The following FKRP variants were observed in gnomAD, a reference collection of about 807,000 sequenced individuals.
FKRP encodes ribitol 5-phosphate transferase FKRP.
A neutral mutation model predicts 30.6 loss-of-function variants in FKRP; 25 were observed. That is an observed-to-expected ratio of 0.82 (90% CI 0.60 to 1.14). The LOEUF (loss-of-function observed/expected upper bound fraction) is 1.14, where lower values mean the gene tolerates loss of function less well. Among genes scored for constraint, FKRP ranks in the 50% most tolerant of loss-of-function variants. The pLI is 0.00. For missense variants in FKRP, 771 were observed against 727.8 expected (o/e 1.06, Z -0.68); for synonymous variants, 358 against 342.5 (o/e 1.05, Z -0.50).
Position 46,756,157 on chromosome 19 carries a change from T to C in FKRP, c.707T>C (p.Leu236Pro). Residue 236 changes from leucine to proline, a missense_variant, in exon 4 of 4, where the codon CTG becomes CCG. Leu to Pro is a moderately conservative substitution (Grantham distance 98, BLOSUM62 -3). Transcript: ENST00000318584. The surrounding 1 kb of genome is among the most constrained non-coding windows in gnomAD (Gnocchi z 6.6). ...TALRGWAVQL[L>P]DLTFAAARQP... ...CTTCGCGGCTGGGCGGTGCAGCTGC[T>C]GGACTTGACCTTCGCCGCGGCGCGC... The C allele has an allele frequency of 2.0e-6, 3 of 1,466,138 alleles. No individual in the cohort carries two copies. The highest frequency in any genetic ancestry group is 2.7e-6 in the Non-Finnish European group (3 of 1,116,690). 90.8% of individuals were successfully genotyped at this position (1,466,138 alleles called of 1,614,324 possible).
chr19:46,751,581 C>T (rs1428373412), intron 3 of FKRP, among the ~76,000 whole-genome samples: 2 of 119,460 alleles, frequency 1.7e-5, no homozygotes, highest in Non-Finnish European at 3.3e-5. Context: ...TTTTTTGAGA[C>T]GGAGTCTTGC....
In FKRP at chr19:46,758,550, G is replaced by GTGC. The variant is rs1284536315; in HGVS notation, c.*1614_*1615insCTG. On this transcript the variant is annotated 3_prime_UTR_variant, in exon 4 of 4. Transcript: ENST00000318584. Reference sequence around the variant, plus strand: ...CCCAATGACTTTTGCACACCCAGGTGTGAGCACCCAGCATTCAAGACCACG... The same window carrying GTGC: ...CCCAATGACTTTTGCACACCCAGGTGTGCTGAGCACCCAGCATTCAAGACCACG... The GTGC allele has an allele frequency of 6.1e-6, 1 of 165,098 alleles. No homozygotes were observed. Among genetic ancestry groups the GTGC allele is most frequent in the Admixed American group, 6.6e-5 (1 of 15,046 alleles). The allele number at this position is 165,098 out of a possible 1,614,324, so 10.2% of individuals were successfully genotyped here.
chr19:46,757,086 C>T lies in FKRP; in HGVS notation c.*148C>T, dbSNP rs2054944909. The T allele has an allele frequency of 5.5e-6, 6 of 1,092,910 alleles. No homozygotes were observed. Among genetic ancestry groups the T allele is most frequent in the South Asian group, 1.4e-5 (1 of 71,562 alleles). The allele number at this position is 1,092,910 out of a possible 1,614,324, so 67.7% of individuals were successfully genotyped here. ...ATTCTAAGGAGAGCATGAGAGAAGG[C>T]TGGCATTGGCAGGAGGAGAGCACCA... On this transcript the variant is annotated 3_prime_UTR_variant, in exon 4 of 4. Coordinates refer to ENST00000318584, the MANE Select transcript of FKRP (RefSeq NM_024301.5).
Position 46,756,135 on chromosome 19 carries a change from C to G in FKRP, c.685C>G (p.Arg229Gly), listed in dbSNP as rs2054914171. The change falls in exon 4 of 4, where the codon CGC (arginine) becomes GGC (glycine). Residue 229 changes from arginine (R) to glycine (G), a missense_variant. Arg to Gly is a moderately radical substitution (Grantham distance 125). Transcript: ENST00000318584. This position sits in a 1 kb window ranked among gnomAD's most constrained non-coding sequence, Gnocchi z 6.6. ...CAGCCTCTTTCTGCAGACCGCCCTT[C>G]GCGGCTGGGCGGTGCAGCTGCTGGA... ...GTSLFLQTAL[R>G]GWAVQLLDLT... is the part of the protein sequence containing the mutation. 1 of 1,485,856 alleles carries G rather than the reference C, an allele frequency of 6.7e-7. No individual in the cohort carries two copies. The highest frequency in any genetic ancestry group is 1.5e-5 in the African/African-American group (1 of 68,242). The allele number at this position is 1,485,856 out of a possible 1,614,324, so 92.0% of individuals were successfully genotyped here.
upstream of FKRP, chr19:46,746,041 C>CCG: frequency 7.6e-6 from 9 of 1,184,186 alleles, no homozygotes; most frequent in Non-Finnish European, 9.7e-6. Flanking sequence ...GCCCCCCCGC[C>CCG]GGCCGTCCCG....
chr19:46,754,251 T>C (rs1411497905), intron 3 of FKRP: 1 of 152,118 alleles, frequency 6.6e-6, no homozygotes, highest in Non-Finnish European at 1.5e-5. Context: ...TTACTCAGGT[T>C]GGTCTCGAAC....
chr19:46,756,365 C>T lies in FKRP; in HGVS notation c.915C>T (p.Pro305=), dbSNP rs1372543621. ...RCFGTVVGDT[P]AYLYEERWTP... ...TCGGAACCGTGGTGGGCGACACGCC[C>T]GCCTACCTCTACGAGGAGCGCTGGA... Residue 305 remains proline, a synonymous_variant, in exon 4 of 4, where the codon CCC becomes CCT. Transcript: ENST00000318584. This position sits in a 1 kb window ranked among gnomAD's most constrained non-coding sequence, Gnocchi z 6.6. 2 of 1,560,634 alleles carry T rather than the reference C, an allele frequency of 1.3e-6. No individual in the cohort carries two copies. Among genetic ancestry groups the T allele is most frequent in the African/African-American group, 1.4e-5 (1 of 74,030 alleles).
intron 3 of FKRP, among the ~76,000 whole-genome samples, chr19:46,754,638 G>A (rs113826819): frequency 0.13 from 19,315 of 147,886 alleles, 1,484 homozygotes; most frequent in African/African-American, 0.2. Flanking sequence ...ACGGAGTCTC[G>A]CTGTGTTGCC....
chr19:46,745,947 G>A (rs1408367496), upstream of FKRP: 2 of 423,564 alleles, frequency 4.7e-6, no homozygotes. Context: ...GGGCCGTCCC[G>A]GTCCCGTCCC....
At chr19:46,755,369 C>G in intron 3 of FKRP, 43 bp from the exon 4 acceptor site, 1 of 1,308,310 alleles carries the variant, frequency 7.6e-7, no homozygotes, top group Admixed American at 2.3e-5. Context: ...GGGGGTGGTT[C>G]TGACAATCAG....
upstream of FKRP, chr19:46,745,963 G>A (rs1047701577): frequency 1.4e-4 from 68 of 470,978 alleles, no homozygotes; most frequent in Non-Finnish European, 1.9e-4. Context: ...GTCCCACCCC[G>A]GAGTGCCCTC....
upstream of FKRP, chr19:46,746,034 C>A (rs2054588503): frequency 8.2e-7 from 1 of 1,219,680 alleles, no homozygotes; most frequent in South Asian, 2.2e-5. Context: ...CCCTCCCGCC[C>A]CCCCGCCGGC....
intron 1 of FKRP, chr19:46,747,156 G>C (rs1454898425): frequency 6.6e-6 from 1 of 152,478 alleles, no homozygotes; most frequent in Non-Finnish European, 1.5e-5. Context: ...CCACCTAGTT[G>C]GCATTACCAT....
Position 46,746,116 on chromosome 19 carries a change from G to T in FKRP, c.-253+26G>T. ...GTGAGGCCGGGCCGGGCCGGGCCGG[G>T]TTGGGGGTCGGGGGTCCCGGGACAG... On this transcript the variant is annotated intron_variant, in intron 1 of 3. Transcript: ENST00000318584. The T allele has an allele frequency of 4.1e-6, 6 of 1,469,384 alleles. No individual in the cohort carries two copies. In the South Asian group the frequency reaches 6.4e-5, roughly 16 times the overall value. The allele number at this position is 1,469,384 out of a possible 1,614,324, so 91.0% of individuals were successfully genotyped here. A position where few individuals can be genotyped will look rare whatever the true frequency, so the allele number is the denominator to read the frequency against.
At chr19:46,748,445 G>A (rs1424203395) in intron 2 of FKRP, 70 bp from the exon 3 acceptor site, 1 of 152,170 alleles carries the variant, frequency 6.6e-6, no homozygotes, top group Non-Finnish European at 1.5e-5. Context: ...CAGAATGCTA[G>A]AATTACAGGC....
upstream of FKRP, chr19:46,745,895 C>G: frequency 8.1e-6 from 3 of 372,362 alleles, no homozygotes; most frequent in Non-Finnish European, 1.4e-5. Flanking sequence ...CTCGGCCGGT[C>G]CCGGTGATCC....
chr19:46,753,882 C>T (rs2054846045), intron 3 of FKRP: 1 of 151,848 alleles, frequency 6.6e-6, no homozygotes. Context: ...ATTATTTGAT[C>T]ATCTGCTTGG....
In FKRP at chr19:46,756,090, C is replaced by T. The variant is rs768674420; in HGVS notation, c.640C>T (p.Leu214=). 2 of 1,542,664 alleles carry T rather than the reference C, an allele frequency of 1.3e-6. No homozygotes were observed. Among genetic ancestry groups the T allele is most frequent in the Admixed American group, 3.8e-5 (2 of 52,784 alleles). ...CGACCTCTTCAACCTCTCGGCGCCC[C>T]TGGCCCGGCCGGTGGGCACCAGCCT... ...ARDLFNLSAP[L]ARPVGTSLFL... The change falls in exon 4 of 4, where the codon CTG becomes TTG. Residue 214 remains leucine (L), a synonymous_variant. Transcript: ENST00000318584. This position sits in a 1 kb window ranked among gnomAD's most constrained non-coding sequence, Gnocchi z 6.6.
At position 46,757,184 on chromosome 19, in the gene FKRP, G is replaced by A. The variant is rs1196868612; in HGVS notation, c.*246G>A. 9.9e-6 allele frequency: 6 copies of A among 607,946 alleles called. No individual in the cohort carries two copies. The highest frequency in any genetic ancestry group is 5.7e-5 in the Admixed American group (2 of 34,838). The allele number at this position is 607,946 out of a possible 1,614,324, so 37.7% of individuals were successfully genotyped here. On this transcript the variant is annotated 3_prime_UTR_variant, in exon 4 of 4. Coordinates refer to ENST00000318584, the MANE Select transcript of FKRP (RefSeq NM_024301.5). ...ACTGGGAGCCGTGGATATGCGTGGG[G>A]ACATCCTGGGTCATCTCAGTCATGG...
Sources: gnomAD v4.1 joint callset for allele counts (sites outside exome capture counted in the v4.1 genomes callset) on GRCh38, gnomAD v4.1.1 for gene constraint, Gnocchi (gnomAD v3.1) non-coding constraint, MANE v1.5 for transcripts, NCBI Gene and HGNC (gene_info 2026-07-23, HGNC 2026-07-21) for gene names.